TCF25: variants seen among roughly 807,000 people sequenced by gnomAD.
TCF25 encodes ribosome quality control complex subunit TCF25.
In TCF25, 41 loss-of-function variants were observed where a neutral mutation model predicts 83.1. The observed-to-expected ratio is 0.49, with a 90% confidence interval of 0.38 to 0.64. The LOEUF (loss-of-function observed/expected upper bound fraction) is 0.64, where lower values mean the gene tolerates loss of function less well. Ranked by LOEUF, TCF25 falls within the 30% of genes least tolerant of loss-of-function variation. TCF25 has a pLI of 0.00. For missense variants in TCF25, 979 were observed against 914.5 expected, an observed-to-expected ratio of 1.07 and a Z score of -0.91; for synonymous variants, 458 against 365.0, an observed-to-expected ratio of 1.25 and a Z score of -2.90.
At chr16:89,873,997 A>T in intron 1 of TCF25, 138 bp downstream of exon 1, 220 of 499,560 alleles carry the variant, frequency 4.4e-4, no homozygotes, top group Middle Eastern at 1.9e-3. Context: ...CGCAGTGGGG[A>T]GGGCGGGGCC....
chr16:89,896,227 C>T, intron 9 of TCF25, 144 bp downstream of exon 9: 3 of 667,336 alleles, frequency 4.5e-6, no homozygotes, highest in African/African-American at 1.8e-5. Flanking sequence ...CTTCCTCTCT[C>T]TGGGCTTAAG....
At position 89,908,230 on chromosome 16, in the gene TCF25, C is replaced by T. The variant is rs564210776; in HGVS notation, c.1799+908C>T. Among the ~76,000 whole-genome samples, 4 of 131,180 alleles carry T rather than the reference C, an allele frequency of 3.0e-5. No homozygotes were observed. The South Asian group carries it at 8.5e-4, about 28-fold the overall frequency. The allele number at this position is 131,180 out of a possible 152,430, so 86.1% of individuals were successfully genotyped here. A position where few individuals can be genotyped will look rare whatever the true frequency, so the allele number is the denominator to read the frequency against. On this transcript the variant is annotated intron_variant, in intron 16 of 17. Coordinates refer to ENST00000263346, the MANE Select transcript of TCF25 (RefSeq NM_014972.3). Reference sequence around the variant, plus strand: ...CACCTTCCAACCCCGCCTCCCTCCTCTCAGTTCCCACCTCCCAGCTCCCAC... The same window carrying T: ...CACCTTCCAACCCCGCCTCCCTCCTTTCAGTTCCCACCTCCCAGCTCCCAC...
chr16:89,887,756 A>C (rs1388874448), intron 5 of TCF25, 39 bp downstream of exon 5: 1 of 1,519,282 alleles, frequency 6.6e-7, no homozygotes, highest in African/African-American at 1.4e-5. Flanking sequence ...CAGCTGCTTC[A>C]TTCCTTCTTA....
At chr16:89,884,489 T>A (rs2042835084) in intron 2 of TCF25, 93 bp from the exon 3 acceptor site, 2 of 1,331,242 alleles carry the variant, frequency 1.5e-6, no homozygotes, top group Non-Finnish European at 1.1e-6. Context: ...TAGGGGCTGC[T>A]TAGGTGAGGG....
rs1436605138 is a variant in TCF25, at chr16:89,896,246, G to A, written c.1022+163G>A. Among the ~76,000 whole-genome samples, 4 of 152,190 alleles carry A rather than the reference G, an allele frequency of 2.6e-5. No individual in the cohort carries two copies. The East Asian group carries it at 5.8e-4, about 22-fold the overall frequency. On this transcript the variant is annotated intron_variant, in intron 9 of 17. Coordinates refer to ENST00000263346, the MANE Select transcript of TCF25 (RefSeq NM_014972.3). ...CTCTCTCTGGGCTTAAGGATAGAGG[G>A]ATGGGATTGTCTCAGCCCAGGTTTA...
At position 89,906,295 on chromosome 16, in the gene TCF25, A is replaced by G. The variant is rs200690627; in HGVS notation, c.1719+11A>G. The G allele has an allele frequency of 5.1e-4, 824 of 1,612,090 alleles. 7 individuals carry two copies. In the African/African-American group the frequency reaches 0.01, roughly 20 times the overall value. ...GCTGCCCTGCCCCCGGTAAGGGAGAAAGGCTGAAATGGGAGCTCTGTGTAA... is the reference window on the plus strand; with the variant it reads ...GCTGCCCTGCCCCCGGTAAGGGAGAGAGGCTGAAATGGGAGCTCTGTGTAA... On this transcript the variant is annotated intron_variant, in intron 15 of 17. Transcript: ENST00000263346.
chr16:89,874,932 A>C (rs2042061962), intron 1 of TCF25: 1 of 152,130 alleles, frequency 6.6e-6, no homozygotes, highest in African/African-American at 2.4e-5. Context: ...TTCTCGCATC[A>C]AGTCCACCTT....
chr16:89,896,735 T>C (rs1193215265), intron 9 of TCF25, among the ~76,000 whole-genome samples: 1 of 151,956 alleles, frequency 6.6e-6, no homozygotes, highest in Non-Finnish European at 1.5e-5. Flanking sequence ...TTGTATTTTC[T>C]AGTAGAGACG....
chr16:89,908,286 C>G (rs529191208), intron 16 of TCF25, among the ~76,000 whole-genome samples: 1 of 139,062 alleles, frequency 7.2e-6, no homozygotes, highest in African/African-American at 2.8e-5. Flanking sequence ...CCTCCCAGTT[C>G]CCACCTCCCA....
intron 7 of TCF25, 170 bp from the exon 8 acceptor site, chr16:89,894,868 C>T (rs970321244): frequency 1.2e-5 from 6 of 518,382 alleles, no homozygotes; most frequent in African/African-American, 7.7e-5. Flanking sequence ...TGGTCTTGAA[C>T]TCCTGATATC....
At chr16:89,910,412 G>A (rs2045462802) in intron 16 of TCF25, 179 bp from the exon 17 acceptor site, 1 of 635,188 alleles carries the variant, frequency 1.6e-6, no homozygotes, top group African/African-American at 1.8e-5. Context: ...AGCTGATGAG[G>A]AAGCCTCACG....
At position 89,883,736 on chromosome 16, in the gene TCF25, G is replaced by A; in HGVS notation, c.354+224G>A. ...CTGCATCTCAGGAGAGTCTGCGCCT[G>A]CCCAGCAGTGTATGTAACCGCACAC... On this transcript the variant is annotated intron_variant, in intron 2 of 17. Transcript: ENST00000263346. The A allele has an allele frequency of 7.5e-6, 4 of 536,412 alleles. No homozygotes were observed. In the South Asian group the frequency reaches 8.9e-5, roughly 12 times the overall value. 33.2% of individuals were successfully genotyped at this position (536,412 alleles called of 1,614,324 possible).
intron 5 of TCF25, among the ~76,000 whole-genome samples, chr16:89,891,664 G>A (rs1261599630): frequency 6.6e-6 from 1 of 152,220 alleles, no homozygotes; most frequent in Non-Finnish European, 1.5e-5. Context: ...TGGAGCTGCT[G>A]TTACCTCAGA....
At chr16:89,881,162 A>G (rs867726217) in intron 1 of TCF25, among the ~76,000 whole-genome samples, 1 of 152,188 alleles carries the variant, frequency 6.6e-6, no homozygotes, top group Admixed American at 6.5e-5. Context: ...TTGGAGAGAA[A>G]GCCGACTGAC....
chr16:89,910,018 C>T (rs1342771096), intron 16 of TCF25: 1 of 152,978 alleles, frequency 6.5e-6, no homozygotes, highest in Non-Finnish European at 1.5e-5. Flanking sequence ...GCCCCGTCAC[C>T]CGCACAGCGG....
chr16:89,874,080 G>C (rs987562944), intron 1 of TCF25, among the ~76,000 whole-genome samples: 5 of 151,000 alleles, frequency 3.3e-5, no homozygotes, highest in Admixed American at 6.6e-5. Flanking sequence ...AGTTAGACTG[G>C]GTTCTAACCC....
intron 16 of TCF25, among the ~76,000 whole-genome samples, chr16:89,908,304 C>T (rs1567744592): frequency 7.2e-6 from 1 of 139,278 alleles, no homozygotes; most frequent in Non-Finnish European, 1.5e-5. Flanking sequence ...CCAGCTTCCT[C>T]CTCCCACCTT....
intron 16 of TCF25, among the ~76,000 whole-genome samples, chr16:89,908,388 C>G (rs1224070711): frequency 2.1e-5 from 3 of 145,054 alleles, no homozygotes; most frequent in African/African-American, 5.1e-5. Flanking sequence ...CCACCTCCCT[C>G]CTTCCAGTTT....
At chr16:89,891,495 T>C (rs1170043329) in intron 5 of TCF25, among the ~76,000 whole-genome samples, 1 of 152,206 alleles carries the variant, frequency 6.6e-6, no homozygotes, top group Non-Finnish European at 1.5e-5. Flanking sequence ...CTGTCTGTGC[T>C]GCCGCGGCTG....
Sources: allele counts gnomAD v4.1 joint callset (sites outside exome capture counted in the v4.1 genomes callset), GRCh38; gene constraint gnomAD v4.1.1; transcripts MANE v1.5; gene names NCBI Gene and HGNC (gene_info 2026-07-23, HGNC 2026-07-21).